Variants in MAD1L1 observed in about 807,000 individuals in gnomAD.
MAD1L1 encodes mitotic spindle assembly checkpoint protein MAD1.
Under a neutral mutation model 96.9 loss-of-function variants are expected in MAD1L1, and 95 were observed. The observed-to-expected ratio is 0.98, with a 90% confidence interval of 0.83 to 1.16. MAD1L1 has a LOEUF of 1.16. MAD1L1 is among the 50% of genes most tolerant of loss of function. The pLI, the probability that MAD1L1 is intolerant of heterozygous loss-of-function variation, is 0.00. For synonymous variants in MAD1L1, 473 were observed against 396.6 expected (o/e 1.19, Z -2.29); for missense variants, 1,007 against 954.4 (o/e 1.06, Z -0.73).
intron 18 of MAD1L1, among the ~76,000 whole-genome samples, chr7:1,876,572 G>A (rs1385934950): frequency 1.3e-5 from 2 of 152,110 alleles, no homozygotes; most frequent in Non-Finnish European, 2.9e-5. Context: ...AGGGGGAAGA[G>A]GGTGGGATGG....
Position 2,225,522 on chromosome 7 carries a change from G to C in MAD1L1, c.179C>G (p.Ser60Trp), listed in dbSNP as rs777745355. 10 of 1,613,814 alleles carry C rather than the reference G, an allele frequency of 6.2e-6. No homozygotes were observed. The East Asian group carries it at 1.8e-4, about 29-fold the overall frequency. ...QLEERAEQIR[S>W]KSHLIQVERE... ...CTCCACCTGGATGAGGTGGGACTTC[G>C]AACGGATCTGCTCTGCTCTTTCCTC... The change falls in exon 4 of 19, where the codon TCG becomes TGG. Residue 60 changes from serine (S) to tryptophan (W), a missense_variant. Ser to Trp is a radical substitution (Grantham distance 177, BLOSUM62 -3). Coordinates refer to ENST00000265854, the MANE Select transcript of MAD1L1 (RefSeq NM_001013836.2).
intron 12 of MAD1L1, among the ~76,000 whole-genome samples, chr7:2,049,045 G>A (rs563263038): frequency 6.6e-6 from 1 of 152,226 alleles, no homozygotes; most frequent in African/African-American, 2.4e-5. Context: ...AGTTGATGAT[G>A]AACTACCTCA....
chr7:2,063,963 G>A (rs561320027), intron 12 of MAD1L1, among the ~76,000 whole-genome samples: 12 of 152,198 alleles, frequency 7.9e-5, no homozygotes, highest in Non-Finnish European at 1.8e-4. Context: ...GAATCCCAGC[G>A]AGGACTGCAC....
chr7:2,110,732 T>C (rs55832838), intron 11 of MAD1L1, among the ~76,000 whole-genome samples: 4,126 of 152,230 alleles, frequency 0.027, 97 homozygotes, highest in South Asian at 0.09. Context: ...CTTCACCAAT[T>C]AATAAAAGCT....
rs940102214 is a variant in MAD1L1 at position 1,988,223 on chromosome 7, C to G, written c.1417-7682G>C. 2.6e-5 allele frequency among the ~76,000 whole-genome samples: 4 copies of G among 152,168 alleles called. No homozygotes were observed. In the East Asian group the frequency reaches 5.8e-4, roughly 22 times the overall value. On this transcript the variant is annotated intron_variant, in intron 14 of 18. Transcript: ENST00000265854. ...GAACGCTTCCTGACATGGCGGAGGG[C>G]CCATTCATTATTCATCCAATGGTCA...
chr7:2,135,715 C>T lies in MAD1L1; in HGVS notation c.1073+13437G>A, dbSNP rs747910728. ...GCCCACCAGCTCTCGCCACCTCTCA[C>T]GGCCACATATGGGAGTCCTGCCTGC... On this transcript the variant is annotated intron_variant, in intron 11 of 18. Transcript: ENST00000265854. 3.3e-5 allele frequency among the ~76,000 whole-genome samples: 5 copies of T among 152,204 alleles called. No homozygotes were observed. In the South Asian group the frequency reaches 6.2e-4, roughly 19 times the overall value.
At chr7:1,819,751 C>T (rs747444773) in intron 18 of MAD1L1, among the ~76,000 whole-genome samples, 24 of 152,078 alleles carry the variant, frequency 1.6e-4, no homozygotes, top group African/African-American at 2.9e-4. Flanking sequence ...GCAGAGACAG[C>T]GCACACCACC....
chr7:2,030,565 G>A (rs1303846059), intron 12 of MAD1L1, among the ~76,000 whole-genome samples: 2 of 152,198 alleles, frequency 1.3e-5, no homozygotes, highest in Non-Finnish European at 2.9e-5. Flanking sequence ...GGTAAGCCAG[G>A]GCGCCAGTGA....
intron 10 of MAD1L1, among the ~76,000 whole-genome samples, chr7:2,183,787 G>C (rs1791319908): frequency 6.6e-6 from 1 of 152,018 alleles, no homozygotes; most frequent in South Asian, 2.1e-4. Context: ...AGCATTAGGA[G>C]ATATACCTAA....
chr7:1,878,731 TCC>T (rs35603667), intron 18 of MAD1L1, among the ~76,000 whole-genome samples: 3,318 of 128,946 alleles, frequency 0.026, 110 homozygotes, highest in African/African-American at 0.078. Flanking sequence ...GGTAAAAATG[TCC>T]CCCCCCCCCC....
chr7:2,215,911 G>C lies in MAD1L1; in HGVS notation c.898C>G (p.Leu300Val). The change falls in exon 9 of 19, where the codon CTG becomes GTG. Residue 300 changes from leucine (L) to valine (V), a missense_variant. Physicochemically the swap from Leu to Val is conservative, Grantham distance 32 (BLOSUM62 1). Transcript: ENST00000265854. ...LGRQEKMQET[L>V]VGLELENERL... is the part of the protein sequence containing the mutation. ...TCGTTCTCCAGCTCCAAGCCAACCA[G>C]CGTCTCCTGCATCTTCTCCTGGCGC... The C allele has an allele frequency of 6.2e-7, 1 of 1,614,198 alleles. No individual in the cohort carries two copies. The highest frequency in any genetic ancestry group is 1.6e-4 in the Middle Eastern group (1 of 6,062).
At chr7:2,218,832 G>A (rs1342100807) in intron 6 of MAD1L1, among the ~76,000 whole-genome samples, 1 of 152,084 alleles carries the variant, frequency 6.6e-6, no homozygotes, top group Admixed American at 6.5e-5. Flanking sequence ...CCAGGAGGCG[G>A]AGGCTGCAGT....
In MAD1L1 at chr7:1,953,199, T is replaced by C. The variant is rs140966889; in HGVS notation, c.1596+4430A>G. Reference sequence around the variant, plus strand: ...GATGTGAGGTACCGCACCACCTGCCTGCTGGTGCAGACGGGAGCAGAACGG... The same window carrying C: ...GATGTGAGGTACCGCACCACCTGCCCGCTGGTGCAGACGGGAGCAGAACGG... On this transcript the variant is annotated intron_variant, in intron 16 of 18. Coordinates refer to ENST00000265854, the MANE Select transcript of MAD1L1 (RefSeq NM_001013836.2). 1.9e-3 allele frequency among the ~76,000 whole-genome samples: 289 copies of C among 152,318 alleles called. 2 individuals carry two copies. Among genetic ancestry groups the C allele is most frequent in the African/African-American group, 6.5e-3 (271 of 41,564 alleles).
chr7:2,064,017 G>A (rs376631508), intron 12 of MAD1L1, among the ~76,000 whole-genome samples: 5 of 152,296 alleles, frequency 3.3e-5, no homozygotes, highest in African/African-American at 4.8e-5. Context: ...AGCCTCTCCC[G>A]TAGCAGGCCG....
At chr7:2,218,561 T>C (rs934346628) in intron 6 of MAD1L1, among the ~76,000 whole-genome samples, 2 of 152,110 alleles carry the variant, frequency 1.3e-5, no homozygotes, top group East Asian at 3.9e-4. Flanking sequence ...TGCCTGGACA[T>C]CCCTTCCCAG....
intron 10 of MAD1L1, among the ~76,000 whole-genome samples, chr7:2,202,744 G>A (rs77588656): frequency 0.046 from 7,018 of 152,224 alleles, 564 homozygotes; most frequent in African/African-American, 0.16. Context: ...CTCAACAGCC[G>A]GGTAATTACA....
chr7:2,174,664 G>A (rs886562139), intron 10 of MAD1L1, among the ~76,000 whole-genome samples: 1 of 151,922 alleles, frequency 6.6e-6, no homozygotes, highest in Non-Finnish European at 1.5e-5. Context: ...CCCCATATCT[G>A]TTCATGTAGT....
At position 1,912,989 on chromosome 7, in the gene MAD1L1, C is replaced by T. The variant is rs190215508; in HGVS notation, c.1808-14599G>A. On this transcript the variant is annotated intron_variant, in intron 17 of 18. Coordinates refer to ENST00000265854, the MANE Select transcript of MAD1L1 (RefSeq NM_001013836.2). ...CGAGGCTTGCAGAACCTCAGCTCCC[C>T]GGCAGGCGAGCCCCCTCTGAGAAGA... Among the ~76,000 whole-genome samples the T allele has an allele frequency of 1.6e-3, 245 of 152,252 alleles. 3 individuals are homozygous for T. The highest frequency in any genetic ancestry group is 5.0e-3 in the African/African-American group (209 of 41,536).
intron 12 of MAD1L1, among the ~76,000 whole-genome samples, chr7:2,046,175 C>G (rs1254187050): frequency 5.9e-5 from 9 of 152,272 alleles, no homozygotes; most frequent in African/African-American, 1.9e-4. Flanking sequence ...CCCAGGTGGA[C>G]TGAAGCCCCG....
Sources: allele counts gnomAD v4.1 joint callset (sites outside exome capture counted in the v4.1 genomes callset), GRCh38; gene constraint gnomAD v4.1.1; transcripts MANE v1.5; gene names NCBI Gene and HGNC (gene_info 2026-07-23, HGNC 2026-07-21).